PRKG1: variants seen among roughly 807,000 people sequenced by gnomAD.
The protein encoded by PRKG1 is protein kinase cGMP-dependent 1.
In PRKG1, 35 loss-of-function variants were observed where a neutral mutation model predicts 88.1. The ratio of observed to expected loss-of-function variants is 0.40; its 90% CI spans 0.30 to 0.53. The LOEUF is 0.53. Among genes scored for constraint, PRKG1 ranks in the 20% least tolerant of loss-of-function variants. The pLI is 0.59. For synonymous variants in PRKG1, 303 were observed against 292.5 expected, an observed-to-expected ratio of 1.04 and a Z score of -0.37; for missense variants, 540 against 839.8, an observed-to-expected ratio of 0.64 and a Z score of 4.41.
intron 1 of PRKG1, among the ~76,000 whole-genome samples, chr10:51,116,045 A>G (rs1226199625): frequency 3.3e-5 from 5 of 152,146 alleles, no homozygotes; most frequent in African/African-American, 1.2e-4. Flanking sequence ...GTGGTGGTGG[A>G]AAAGTACTGG....
At chr10:51,073,082 G>T (rs1227341312), upstream of PRKG1, among the ~76,000 whole-genome samples, 2 of 152,216 alleles carry the variant, frequency 1.3e-5, no homozygotes, top group African/African-American at 2.4e-5. Context: ...GGATGAGTTC[G>T]TAATGTCTTA....
intron 3 of PRKG1, among the ~76,000 whole-genome samples, chr10:51,612,120 G>T (rs910344294): frequency 6.6e-6 from 1 of 151,800 alleles, no homozygotes; most frequent in South Asian, 2.1e-4. Context: ...GGCAATTCTG[G>T]CTCTTTTTTT....
chr10:52,239,681 T>G (rs192857308), intron 9 of PRKG1, among the ~76,000 whole-genome samples: 5 of 150,926 alleles, frequency 3.3e-5, no homozygotes, highest in Non-Finnish European at 5.9e-5. Context: ...TGAGGAGCTT[T>G]AAGACATGAA....
At chr10:51,959,001 C>A (rs1843381590) in intron 5 of PRKG1, among the ~76,000 whole-genome samples, 1 of 152,160 alleles carries the variant, frequency 6.6e-6, no homozygotes, top group African/African-American at 2.4e-5. Flanking sequence ...TTTGTCCTCA[C>A]AGCAGTCTTG....
At chr10:51,134,141 T>G (rs1229718412) in intron 1 of PRKG1, among the ~76,000 whole-genome samples, 1 of 152,230 alleles carries the variant, frequency 6.6e-6, no homozygotes, top group Non-Finnish European at 1.5e-5. Flanking sequence ...GCATTCTTGT[T>G]GCTTCCAAAT....
intron 5 of PRKG1, among the ~76,000 whole-genome samples, chr10:51,962,192 G>C (rs762488131): frequency 8.9e-4 from 135 of 152,132 alleles, no homozygotes; most frequent in African/African-American, 3.2e-3. Context: ...CTAGCACCAA[G>C]GATGGGTAGG....
At chr10:51,450,553 G>T (rs1839405945) in intron 2 of PRKG1, among the ~76,000 whole-genome samples, 5 of 152,092 alleles carry the variant, frequency 3.3e-5, no homozygotes, top group Admixed American at 2.0e-4. Context: ...TGCTTTTAAA[G>T]AATTCGACTT....
intron 2 of PRKG1, among the ~76,000 whole-genome samples, chr10:51,333,696 T>TCCATG (rs1841796991): frequency 6.6e-6 from 1 of 152,242 alleles, no homozygotes; most frequent in African/African-American, 2.4e-5. Flanking sequence ...CAAGGCAGCT[T>TCCATG]CCATGTTCCT....
At chr10:51,766,783 A>G (rs1838174405) in intron 3 of PRKG1, among the ~76,000 whole-genome samples, 1 of 152,128 alleles carries the variant, frequency 6.6e-6, no homozygotes, top group African/African-American at 2.4e-5. Flanking sequence ...GGGCTTTAAC[A>G]TGTAAAACTG....
chr10:51,074,158 A>C (rs1466017930), upstream of PRKG1: 1 of 136,862 alleles, frequency 7.3e-6, no homozygotes, highest in African/African-American at 2.8e-5. Flanking sequence ...TCGGAGGCTT[A>C]TCAGGCTCCC....
intron 3 of PRKG1, among the ~76,000 whole-genome samples, chr10:51,720,321 C>T (rs1314332565): frequency 1.3e-5 from 2 of 151,890 alleles, no homozygotes; most frequent in Non-Finnish European, 2.9e-5. Flanking sequence ...CTAAAAGTTC[C>T]AATTCTGAGT....
In PRKG1 at chr10:51,179,934, T is replaced by C. The variant is rs1415491236; in HGVS notation, c.478+26604T>C. ...AGTCCCTACCACAAAATCCCCTATG[T>C]AAAGTTTTTAAGGACATTGCCTATA... On this transcript the variant is annotated intron_variant, in intron 2 of 17. Coordinates refer to ENST00000373980, the MANE Select transcript of PRKG1 (RefSeq NM_006258.4). Among the ~76,000 whole-genome samples the C allele has an allele frequency of 1.3e-5, 2 of 152,210 alleles. 1 individual carries two copies. Among genetic ancestry groups the C allele is most frequent in the South Asian group, 4.1e-4 (2 of 4,832 alleles).
intron 5 of PRKG1, among the ~76,000 whole-genome samples, chr10:52,033,354 A>G (rs1295655676): frequency 6.6e-6 from 1 of 152,206 alleles, no homozygotes; most frequent in African/African-American, 2.4e-5. Flanking sequence ...TGATAAAACA[A>G]CAGCACACTT....
intron 2 of PRKG1, among the ~76,000 whole-genome samples, chr10:51,261,308 G>A (rs1839698804): frequency 6.6e-6 from 1 of 152,160 alleles, no homozygotes; most frequent in Non-Finnish European, 1.5e-5. Context: ...GATATTCCTA[G>A]AGCCTAAAAT....
chr10:51,050,381 A>G (rs1373259630), intron 1 of PRKG1, among the ~76,000 whole-genome samples: 5 of 151,932 alleles, frequency 3.3e-5, no homozygotes, highest in Non-Finnish European at 5.9e-5. Context: ...ACATCTGACT[A>G]TTTTAGATTC....
At chr10:51,473,136 G>A (rs112356885) in intron 3 of PRKG1, among the ~76,000 whole-genome samples, 1 of 151,822 alleles carries the variant, frequency 6.6e-6, no homozygotes, top group Non-Finnish European at 1.5e-5. Flanking sequence ...AATTTTCATT[G>A]CATTTATCTA....
At chr10:51,649,987 G>C (rs911329230) in intron 3 of PRKG1, among the ~76,000 whole-genome samples, 1 of 152,172 alleles carries the variant, frequency 6.6e-6, no homozygotes, top group African/African-American at 2.4e-5. Context: ...GTGAGACTAC[G>C]TAGGTCTCTT....
intron 1 of PRKG1, among the ~76,000 whole-genome samples, chr10:51,034,617 A>G (rs1241607775): frequency 4.3e-5 from 6 of 140,830 alleles, no homozygotes; most frequent in African/African-American, 1.6e-4. Flanking sequence ...AGAATTCACA[A>G]CTTTTTTGCC....
intron 2 of PRKG1, among the ~76,000 whole-genome samples, chr10:51,395,939 G>A (rs1252881452): frequency 6.6e-6 from 1 of 152,182 alleles, no homozygotes; most frequent in Admixed American, 6.5e-5. Flanking sequence ...GTTGCTCAAA[G>A]TAGGATAATT....
Sources: allele counts gnomAD v4.1 joint callset (sites outside exome capture counted in the v4.1 genomes callset), GRCh38; gene constraint gnomAD v4.1.1; transcripts MANE v1.5; gene names NCBI Gene and HGNC (gene_info 2026-07-23, HGNC 2026-07-21).